The following CSMD2 variants were observed in gnomAD, a reference collection of about 807,000 sequenced individuals.
CSMD2 encodes the protein CUB and sushi domain-containing protein 2.
Under a neutral mutation model 398.5 loss-of-function variants are expected in CSMD2, and 130 were observed. The observed-to-expected ratio is 0.33, with a 90% CI of 0.28 to 0.38. The LOEUF (loss-of-function observed/expected upper bound fraction) is 0.38. Among genes scored for constraint, CSMD2 ranks in the 10% least tolerant of loss-of-function variants. The pLI is 1.00. For synonymous variants in CSMD2, 1,828 were observed against 1,908.5 expected, an observed-to-expected ratio of 0.96 and a Z score of 1.10; for missense variants, 3,829 against 4,764.9, an observed-to-expected ratio of 0.80 and a Z score of 5.78.
At chr1:33,868,237 T>C (rs1389135225) in intron 5 of CSMD2, among the ~76,000 whole-genome samples, 1 of 152,176 alleles carries the variant, frequency 6.6e-6, no homozygotes, top group Non-Finnish European at 1.5e-5. Context: ...CCCATCACCA[T>C]CTTGATGACT....
rs919097652 is a variant in CSMD2 at position 33,974,203 on chromosome 1, A to T, written c.518-38249T>A. On this transcript the variant is annotated intron_variant, in intron 3 of 70. Coordinates refer to ENST00000373381, the MANE Select transcript of CSMD2 (RefSeq NM_001281956.2). ...AACATCCCCGGTATATCAAAGGCTCAAATACACAATGCAGCGGCTCACAGG... is the reference window on the plus strand; with the variant it reads ...AACATCCCCGGTATATCAAAGGCTCTAATACACAATGCAGCGGCTCACAGG... Among the ~76,000 whole-genome samples the T allele has an allele frequency of 6.6e-5, 10 of 152,248 alleles. 1 individual carries two copies. The highest frequency in any genetic ancestry group is 8.8e-5 in the Non-Finnish European group (6 of 68,036).
chr1:33,989,013 CAT>C (rs71029018), intron 3 of CSMD2, among the ~76,000 whole-genome samples: 122 of 94,412 alleles, frequency 1.3e-3, no homozygotes, highest in African/African-American at 1.8e-3. Context: ...TCTCTCTCTC[CAT>C]ATATATATAT....
intron 23 of CSMD2, 129 bp from the exon 24 acceptor site, chr1:33,699,073 A>C: frequency 1.5e-6 from 1 of 665,904 alleles, no homozygotes; most frequent in Non-Finnish European, 2.5e-6. Context: ...TGATGGATTC[A>C]CCAGTCAGGA....
At chr1:33,634,262 T>C (rs950308159) in intron 31 of CSMD2, among the ~76,000 whole-genome samples, 1 of 152,160 alleles carries the variant, frequency 6.6e-6, no homozygotes, top group Non-Finnish European at 1.5e-5. Context: ...ACAGAGAACA[T>C]GTCTCTCTCA....
intron 2 of CSMD2, among the ~76,000 whole-genome samples, chr1:34,082,325 T>G (rs1279963608): frequency 6.7e-6 from 1 of 149,696 alleles, no homozygotes; most frequent in Non-Finnish European, 1.5e-5. Context: ...GGCCGCCCCG[T>G]CTGGGAAGTG....
At position 33,769,464 on chromosome 1, in the gene CSMD2, G is replaced by A. The variant is rs115844701; in HGVS notation, c.1846+3105C>T. Among the ~76,000 whole-genome samples, 1,161 of 152,280 alleles carry A rather than the reference G, an allele frequency of 7.6e-3. 15 individuals are homozygous for A. The highest frequency in any genetic ancestry group is 0.027 in the African/African-American group (1,111 of 41,544). ...CTGAGGACCAGAGAGTAAGAGCAAAGAAGCTAGCTCCACCTTTTCTTTCAA... is the reference window on the plus strand; with the variant it reads ...CTGAGGACCAGAGAGTAAGAGCAAAAAAGCTAGCTCCACCTTTTCTTTCAA... On this transcript the variant is annotated intron_variant, in intron 13 of 70. Coordinates refer to ENST00000373381, the MANE Select transcript of CSMD2 (RefSeq NM_001281956.2).
chr1:34,116,046 A>C (rs1412669605), intron 1 of CSMD2, among the ~76,000 whole-genome samples: 1 of 152,100 alleles, frequency 6.6e-6, no homozygotes, highest in East Asian at 1.9e-4. Context: ...AAAGGAACAA[A>C]GTAACTATAA....
chr1:34,114,895 G>A (rs908846414), intron 1 of CSMD2, among the ~76,000 whole-genome samples: 1 of 152,018 alleles, frequency 6.6e-6, no homozygotes, highest in South Asian at 2.1e-4. Context: ...TCAACAAAAA[G>A]TTAGAAACTA....
Position 33,559,399 on chromosome 1 carries a change from C to T in CSMD2, c.8455G>A (p.Val2819Ile). ...TACCCAGGGTTGCAAACAAACTTGA[C>T]CACATCGTTGAGGTTAAACTGGTTA... Reference protein sequence around the residue: ...QGNQFNLNDVVKFVCNPGYMA... With the variant: ...QGNQFNLNDVIKFVCNPGYMA... Residue 2819 changes from valine to isoleucine, a missense_variant, in exon 54 of 71, where the codon GTC becomes ATC. Val to Ile is a conservative substitution (Grantham distance 29). Around this residue, in one of 5 missense-constraint regions of CSMD2, gnomAD observed 917 missense variants for 1,199.5 expected, o/e 0.76. Transcript: ENST00000373381. This position sits in a 1 kb window ranked among gnomAD's most constrained non-coding sequence, Gnocchi z 4.0. The T allele has an allele frequency of 2.0e-6, 3 of 1,536,152 alleles. No homozygotes were observed. The highest frequency in any genetic ancestry group is 2.6e-6 in the Non-Finnish European group (3 of 1,146,898).
intron 3 of CSMD2, among the ~76,000 whole-genome samples, chr1:34,030,670 G>C (rs1650297027): frequency 6.6e-6 from 1 of 152,194 alleles, no homozygotes; most frequent in South Asian, 2.1e-4. Flanking sequence ...TCTGCTTAAT[G>C]AGAAGTGCTT....
intron 28 of CSMD2, among the ~76,000 whole-genome samples, chr1:33,647,633 G>T (rs1643526874): frequency 1.3e-5 from 2 of 152,150 alleles, no homozygotes; most frequent in Admixed American, 1.3e-4. Flanking sequence ...AGAAGGACAA[G>T]ATATCAGCTT....
chr1:33,787,743 C>A (rs1653707501), intron 12 of CSMD2, among the ~76,000 whole-genome samples: 1 of 152,128 alleles, frequency 6.6e-6, no homozygotes, highest in Non-Finnish European at 1.5e-5. Context: ...TTTGTAGGGA[C>A]TGGCGTTAGC....
At chr1:34,074,199 A>G (rs1203385605) in intron 2 of CSMD2, among the ~76,000 whole-genome samples, 1 of 152,216 alleles carries the variant, frequency 6.6e-6, no homozygotes, top group Non-Finnish European at 1.5e-5. Flanking sequence ...TATATCAGCT[A>G]TTTGGCAGCT....
chr1:33,869,821 G>A (rs1168517844), intron 5 of CSMD2, among the ~76,000 whole-genome samples: 1 of 152,160 alleles, frequency 6.6e-6, no homozygotes, highest in African/African-American at 2.4e-5. Flanking sequence ...CCTAGCTGCA[G>A]AGCATATTCA....
chr1:33,640,844 A>G (rs1643064658), intron 29 of CSMD2, among the ~76,000 whole-genome samples: 1 of 152,250 alleles, frequency 6.6e-6, no homozygotes, highest in East Asian at 1.9e-4. Context: ...AGAATGACCC[A>G]TAACAGCAGC....
chr1:33,995,765 G>A (rs1241768261), intron 3 of CSMD2, among the ~76,000 whole-genome samples: 1 of 152,184 alleles, frequency 6.6e-6, no homozygotes, highest in Admixed American at 6.5e-5. Context: ...GACTTATCGC[G>A]AATAGGAAAA....
At chr1:33,788,507 CA>C (rs57878978) in intron 12 of CSMD2, 92 bp downstream of exon 12, 74,647 of 510,084 alleles carry the variant, frequency 0.15, 805 homozygotes, top group African/African-American at 0.21. Context: ...GACTCCGTCT[CA>C]AAAAAAAAAA....
In CSMD2 at chr1:33,665,305, A is replaced by G. The variant is rs148404547; in HGVS notation, c.4053-2213T>C. Among the ~76,000 whole-genome samples, 849 of 152,206 alleles carry G rather than the reference A, an allele frequency of 5.6e-3. 7 individuals are homozygous for G. The highest frequency in any genetic ancestry group is 0.014 in the Middle Eastern group (4 of 294). ...ATTTTGGTAAGAAGTGATTAATTTT[A>G]TGTAACCAAATACGTTAATATTTTC... is the stretch of plus-strand genomic sequence containing the variant. On this transcript the variant is annotated intron_variant, in intron 25 of 70. Coordinates refer to ENST00000373381, the MANE Select transcript of CSMD2 (RefSeq NM_001281956.2).
intron 2 of CSMD2, among the ~76,000 whole-genome samples, chr1:34,054,600 C>T (rs954398532): frequency 1.3e-5 from 2 of 152,018 alleles, no homozygotes; most frequent in South Asian, 2.1e-4. Context: ...ATTAGCCGGG[C>T]GTGGTGGCAG....
Sources: allele counts gnomAD v4.1 joint callset (sites outside exome capture counted in the v4.1 genomes callset), GRCh38; gene constraint gnomAD v4.1.1; regional missense constraint gnomAD v4.1.1; non-coding constraint Gnocchi (gnomAD v3.1); transcripts MANE v1.5; gene names NCBI Gene and HGNC (gene_info 2026-07-23, HGNC 2026-07-21).